Variants in CNTNAP5 observed in about 807,000 individuals in gnomAD.
The protein encoded by CNTNAP5 is contactin-associated protein-like 5.
Under a neutral mutation model 150.2 loss-of-function variants are expected in CNTNAP5, and 72 were observed. That is an observed-to-expected ratio of 0.48 (90% CI 0.40 to 0.58). CNTNAP5 has a LOEUF of 0.58. CNTNAP5 is among the 20% of genes least tolerant of loss of function. CNTNAP5 has a pLI of 0.00. For missense variants in CNTNAP5, 1,636 were observed against 1,626.2 expected (o/e 1.01, Z -0.10); for synonymous variants, 672 against 619.8 (o/e 1.08, Z -1.25).
chr2:124,463,031 C>A (rs956545072), intron 6 of CNTNAP5, among the ~76,000 whole-genome samples: 2 of 152,162 alleles, frequency 1.3e-5, no homozygotes, highest in Admixed American at 1.3e-4. Flanking sequence ...GCGGTGGCAA[C>A]CTCCTATGTC....
rs1458118811 is a variant in CNTNAP5 at position 124,857,966 on chromosome 2, C to T, written c.3218-7340C>T. 2.6e-5 allele frequency among the ~76,000 whole-genome samples: 4 copies of T among 152,140 alleles called. No homozygotes were observed. The East Asian group carries it at 5.8e-4, about 22-fold the overall frequency. On this transcript the variant is annotated intron_variant, in intron 19 of 23. Transcript: ENST00000682447. ...TAAGTACTATGAGAGTTGTCCTGTT[C>T]CAGAGAAATTATTTTTTAGATATTA...
intron 2 of CNTNAP5, among the ~76,000 whole-genome samples, chr2:124,240,200 G>A (rs1202102238): frequency 6.6e-6 from 1 of 152,164 alleles, no homozygotes; most frequent in Non-Finnish European, 1.5e-5. Flanking sequence ...AATGCACAAT[G>A]ACTTAAACAC....
chr2:124,408,813 C>G (rs1455887609), intron 3 of CNTNAP5, among the ~76,000 whole-genome samples: 1 of 152,150 alleles, frequency 6.6e-6, no homozygotes, highest in Non-Finnish European at 1.5e-5. Flanking sequence ...TCTGGAAACT[C>G]TAAAATGCAG....
intron 21 of CNTNAP5, among the ~76,000 whole-genome samples, chr2:124,879,951 A>C (rs1677933828): frequency 6.6e-6 from 1 of 152,134 alleles, no homozygotes; most frequent in Non-Finnish European, 1.5e-5. Flanking sequence ...GAATGGAAGC[A>C]CTGTATTGGC....
chr2:124,344,633 G>A (rs1558860012), intron 3 of CNTNAP5, among the ~76,000 whole-genome samples: 1 of 152,122 alleles, frequency 6.6e-6, no homozygotes, highest in Non-Finnish European at 1.5e-5. Flanking sequence ...ATGTGCACTT[G>A]TAGTTCCAGC....
Position 124,522,654 on chromosome 2 carries a change from T to A in CNTNAP5, c.1328-1649T>A, listed in dbSNP as rs546139553. On this transcript the variant is annotated intron_variant, in intron 8 of 23. Transcript: ENST00000682447. ...GATGGAATTGGTTTGGGAAAAGTGC[T>A]CTTCAGAATAATTTGTCAAAGGATA... 5.3e-5 allele frequency among the ~76,000 whole-genome samples: 8 copies of A among 152,210 alleles called. 1 individual carries two copies. The South Asian group carries it at 1.7e-3, about 32-fold the overall frequency.
chr2:124,629,936 C>CAAAAAAAAAAAAAAAAAAAAAA (rs70996084), intron 12 of CNTNAP5, among the ~76,000 whole-genome samples: 1 of 67,772 alleles, frequency 1.5e-5, no homozygotes, highest in Admixed American at 1.9e-4. Flanking sequence ...CACCTCTATG[C>CAAAAAAAAAAAAAAAAAAAAAA]AAAAAAAAAA....
intron 19 of CNTNAP5, among the ~76,000 whole-genome samples, chr2:124,842,721 A>C (rs1201764909): frequency 6.6e-6 from 1 of 152,128 alleles, no homozygotes; most frequent in Non-Finnish European, 1.5e-5. Context: ...ATCACTGAAT[A>C]GTTTGGGGAT....
chr2:124,361,003 C>A (rs374082145), intron 3 of CNTNAP5, among the ~76,000 whole-genome samples: 1 of 128,174 alleles, frequency 7.8e-6, no homozygotes, highest in Non-Finnish European at 1.7e-5. Flanking sequence ...AGGCTTTGCT[C>A]ATTTCTTTTT....
In CNTNAP5 at chr2:124,604,167, A is replaced by ATAAGCT. The variant is rs771046135; in HGVS notation, c.1757-5625_1757-5620dup. On this transcript the variant is annotated intron_variant, in intron 11 of 23. Coordinates refer to ENST00000682447, the MANE Select transcript of CNTNAP5 (RefSeq NM_001367498.1). ...CATCATTTTTTGAAAGCATTAAATT[A>ATAAGCT]TAAGCTTAAGCTTATTACCAATTCT... Among the ~76,000 whole-genome samples the ATAAGCT allele has an allele frequency of 5.3e-5, 8 of 152,212 alleles. No individual in the cohort carries two copies. The East Asian group carries it at 1.3e-3, about 26-fold the overall frequency.
At chr2:124,745,113 T>C (rs913582750) in intron 13 of CNTNAP5, among the ~76,000 whole-genome samples, 1 of 151,122 alleles carries the variant, frequency 6.6e-6, no homozygotes, top group Non-Finnish European at 1.5e-5. Context: ...GGGCTGCTAA[T>C]GGAACTTCTA....
intron 10 of CNTNAP5, among the ~76,000 whole-genome samples, chr2:124,535,852 C>T (rs1465548351): frequency 1.3e-5 from 2 of 151,928 alleles, no homozygotes; most frequent in Non-Finnish European, 2.9e-5. Flanking sequence ...AAATTCTTAC[C>T]TTGTTGGTTC....
chr2:124,046,048 G>A (rs1024028499), intron 1 of CNTNAP5, among the ~76,000 whole-genome samples: 5 of 152,164 alleles, frequency 3.3e-5, no homozygotes. Context: ...AAGGCTCTGA[G>A]ATCCTCATTA....
intron 1 of CNTNAP5, among the ~76,000 whole-genome samples, chr2:124,149,880 C>T (rs1037471753): frequency 1.3e-5 from 2 of 152,210 alleles, no homozygotes; most frequent in Admixed American, 1.3e-4. Flanking sequence ...GAAGCAGGTT[C>T]TTCACCCTCT....
intron 10 of CNTNAP5, among the ~76,000 whole-genome samples, chr2:124,541,095 T>C (rs763348131): frequency 9.2e-5 from 14 of 151,784 alleles, no homozygotes. Context: ...GGCTGATGAC[T>C]GTGATCTCCA....
At chr2:124,680,769 T>C (rs750913076) in intron 13 of CNTNAP5, 5 of 151,882 alleles carry the variant, frequency 3.3e-5, no homozygotes, top group Non-Finnish European at 5.9e-5. Context: ...ATAAACATTG[T>C]TGTAAGGATG....
chr2:124,844,045 T>G (rs1682997595), intron 19 of CNTNAP5, among the ~76,000 whole-genome samples: 1 of 152,120 alleles, frequency 6.6e-6, no homozygotes, highest in South Asian at 2.1e-4. Flanking sequence ...TTGCTTTTCT[T>G]GCATTTGCTT....
At chr2:124,790,694 G>A (rs1389569208) in intron 18 of CNTNAP5, among the ~76,000 whole-genome samples, 1 of 152,260 alleles carries the variant, frequency 6.6e-6, no homozygotes, top group East Asian at 1.9e-4. Flanking sequence ...TTGGTGGGCT[G>A]GGACTGAAAC....
intron 11 of CNTNAP5, among the ~76,000 whole-genome samples, chr2:124,569,126 G>A (rs1696095701): frequency 6.6e-6 from 1 of 152,090 alleles, no homozygotes; most frequent in South Asian, 2.1e-4. Context: ...CTCAGAAACT[G>A]CTTTATTGAG....
Sources: allele counts gnomAD v4.1 joint callset (sites outside exome capture counted in the v4.1 genomes callset), GRCh38; gene constraint gnomAD v4.1.1; transcripts MANE v1.5; gene names NCBI Gene and HGNC (gene_info 2026-07-23, HGNC 2026-07-21).